SELENOO: variants seen among roughly 807,000 people sequenced by gnomAD.
SELENOO encodes the protein protein adenylyltransferase SelO, mitochondrial.
SELENOO carries 74 observed loss-of-function variants against 58.7 expected under a neutral mutation model. The ratio of observed to expected loss-of-function variants is 1.26; its 90% confidence interval spans 1.04 to 1.53. The LOEUF is 1.53. SELENOO is among the 40% of genes most tolerant of loss of function. The probability of loss-of-function intolerance (pLI) is 0.00; values close to 1 mark genes in which losing one functional copy is unlikely to be tolerated. For missense variants in SELENOO, 1,149 were observed against 970.0 expected, an observed-to-expected ratio of 1.18 and a Z score of -2.45; for synonymous variants, 543 against 453.2, an observed-to-expected ratio of 1.20 and a Z score of -2.52.
chr22:50,210,825 T>C lies in SELENOO; in HGVS notation c.1265T>C (p.Met422Thr), dbSNP rs371552012. 2.1e-5 allele frequency: 34 copies of C among 1,613,986 alleles called. No homozygotes were observed. Among genetic ancestry groups the C allele is most frequent in the Non-Finnish European group, 2.7e-5 (32 of 1,180,050 alleles). ...AEFQRHYLQK[M>T]RRKLGLVQVE... ...TTCCAAAGGCACTACCTGCAGAAGA[T>C]GCGCAGGAAGCTGGGCCTCGTGCAG... Residue 422 changes from methionine to threonine, a missense_variant, in exon 5 of 9, where the codon ATG (methionine) becomes ACG (threonine). Physicochemically the swap from Met to Thr is moderately conservative, Grantham distance 81. Coordinates refer to ENST00000380903, the MANE Select transcript of SELENOO (RefSeq NM_031454.2).
In SELENOO at chr22:50,217,593, T is replaced by G. The variant is rs770493065; in HGVS notation, c.*224T>G. 121 of 1,002,522 alleles carry G rather than the reference T, an allele frequency of 1.2e-4. No homozygotes were observed. The highest frequency in any genetic ancestry group is 1.7e-4 in the Non-Finnish European group (116 of 693,022). The allele number at this position is 1,002,522 out of a possible 1,614,324, so 62.1% of individuals were successfully genotyped here. ...TCCCTGGGGGCTGGACCCAGGCTCC[T>G]AAATAAACCAGCAACTCCCTCGAGT... On this transcript the variant is annotated 3_prime_UTR_variant, in exon 9 of 9. Coordinates refer to ENST00000380903, the MANE Select transcript of SELENOO (RefSeq NM_031454.2).
intron 4 of SELENOO, 42 bp downstream of exon 4, chr22:50,210,353 T>TG (rs1602492734): frequency 1.3e-6 from 2 of 1,597,308 alleles, no homozygotes; most frequent in African/African-American, 1.4e-5. Flanking sequence ...GCCCCAGGGC[T>TG]GGGGGGTGCG....
chr22:50,212,962 TTGAGG>T (rs1372324114), intron 5 of SELENOO, among the ~76,000 whole-genome samples: 3 of 152,208 alleles, frequency 2.0e-5, no homozygotes, highest in South Asian at 2.1e-4. Flanking sequence ...TAGGCGTGAG[TTGAGG>T]TAACTGATTG....
chr22:50,204,554 G>A (rs1394873287), intron 1 of SELENOO, among the ~76,000 whole-genome samples: 1 of 152,112 alleles, frequency 6.6e-6, no homozygotes, highest in African/African-American at 2.4e-5. Context: ...TTGAACCCAG[G>A]AGGCGGAGGT....
At chr22:50,204,550 C>T (rs1280347937) in intron 1 of SELENOO, among the ~76,000 whole-genome samples, 1 of 152,024 alleles carries the variant, frequency 6.6e-6, no homozygotes, top group Non-Finnish European at 1.5e-5. Flanking sequence ...TCACTTGAAC[C>T]CAGGAGGCGG....
intron 2 of SELENOO, chr22:50,208,313 C>A (rs1013317762): frequency 7.6e-5 from 30 of 396,398 alleles, no homozygotes; most frequent in Non-Finnish European, 1.2e-4. Flanking sequence ...GCCTGTAATC[C>A]CAGCTACTCG....
chr22:50,217,515 C>G lies in SELENOO; in HGVS notation c.*146C>G. On this transcript the variant is annotated 3_prime_UTR_variant, in exon 9 of 9. Coordinates refer to ENST00000380903, the MANE Select transcript of SELENOO (RefSeq NM_031454.2). ...GTCTTTCCATGATGGCAGAGACATC[C>G]AGTCAGGACCTGACCCGTCTCTGTC... The G allele has an allele frequency of 9.0e-7, 1 of 1,115,648 alleles. No individual in the cohort carries two copies. The highest frequency in any genetic ancestry group is 1.3e-6 in the Non-Finnish European group (1 of 786,516). 69.1% of individuals were successfully genotyped at this position (1,115,648 alleles called of 1,614,324 possible).
chr22:50,214,482 T>A (rs1361499860), intron 5 of SELENOO, among the ~76,000 whole-genome samples: 1 of 152,164 alleles, frequency 6.6e-6, no homozygotes, highest in Non-Finnish European at 1.5e-5. Flanking sequence ...TAGCCAGGCA[T>A]GGTGGTGGGT....
chr22:50,216,879 G>A lies in SELENOO; in HGVS notation c.1688+3G>A, dbSNP rs773585566. On this transcript the variant is annotated splice_donor_region_variant and intron_variant, in intron 7 of 8. Coordinates refer to ENST00000380903, the MANE Select transcript of SELENOO (RefSeq NM_031454.2). The stretch of plus-strand genomic sequence containing the variant: ...GCTGACTGGCTACAGGCGTACAGGT[G>A]AGCCCTGCGTCCATGGTCACCGGGG... 2.5e-6 allele frequency: 4 copies of A among 1,606,832 alleles called. No individual in the cohort carries two copies. In the South Asian group the frequency reaches 3.3e-5, roughly 13 times the overall value.
rs369296607 is a variant in SELENOO, at chr22:50,216,976, C to T, written c.1693C>T (p.Arg565Trp). The T allele has an allele frequency of 4.7e-5, 76 of 1,608,292 alleles. No homozygotes were observed. The highest frequency in any genetic ancestry group is 1.3e-4 in the Admixed American group (8 of 59,912). The part of the protein sequence containing the change: ...WADWLQAYRA[R>W]LDKDLEGAGD... ...AGAGCCCGGATGTCATTCCAGAGCC[C>T]GGCTGGACAAGGACCTGGAAGGCGC... Residue 565 changes from arginine to tryptophan, a missense_variant, in exon 8 of 9, where the codon CGG (arginine) becomes TGG (tryptophan). Physicochemically the swap from Arg to Trp is moderately radical, Grantham distance 101. Coordinates refer to ENST00000380903, the MANE Select transcript of SELENOO (RefSeq NM_031454.2).
intron 5 of SELENOO, among the ~76,000 whole-genome samples, chr22:50,212,280 GA>G (rs935333158): frequency 1.3e-5 from 2 of 152,066 alleles, no homozygotes; most frequent in Non-Finnish European, 1.5e-5. Context: ...TTCTTTGTTG[GA>G]AAAATTTTGA....
chr22:50,209,069 C>T (rs767053199), intron 3 of SELENOO: 18 of 205,174 alleles, frequency 8.8e-5, no homozygotes, highest in Non-Finnish European at 1.6e-4. Context: ...GGCAGCCAGC[C>T]GGGTCCTGAC....
In SELENOO at chr22:50,208,627, C is replaced by T; in HGVS notation, c.850C>T (p.Leu284Phe). Residue 284 changes from leucine (L) to phenylalanine (F), a missense_variant, in exon 3 of 9, where the codon CTC becomes TTC. Physicochemically the swap from Leu to Phe is conservative, Grantham distance 22 (BLOSUM62 0). Coordinates refer to ENST00000380903, the MANE Select transcript of SELENOO (RefSeq NM_031454.2). ...GAGGAACGACATTCGAGTGCAGCTG[C>T]TCGACTATGTCATCAGCTCCTTTTA... ...VGRNDIRVQL[L>F]DYVISSFYPE... is the part of the protein sequence containing the mutation. 2 of 1,613,906 alleles carry T rather than the reference C, an allele frequency of 1.2e-6. No homozygotes were observed. The highest frequency in any genetic ancestry group is 1.7e-6 in the Non-Finnish European group (2 of 1,179,982).
chr22:50,216,132 GT>G (rs2064408765), intron 6 of SELENOO, among the ~76,000 whole-genome samples: 1 of 152,190 alleles, frequency 6.6e-6, no homozygotes, highest in Non-Finnish European at 1.5e-5. Flanking sequence ...AAGCCTCTGG[GT>G]TTCTAGGGAG....
At chr22:50,208,202 C>T (rs1225645005) in intron 2 of SELENOO, among the ~76,000 whole-genome samples, 4 of 152,050 alleles carry the variant, frequency 2.6e-5, no homozygotes, top group Non-Finnish European at 4.4e-5. Flanking sequence ...GAGGCCGAGG[C>T]GGGTGGATCA....
At chr22:50,203,667 A>G (rs2064315629) in intron 1 of SELENOO, among the ~76,000 whole-genome samples, 1 of 152,224 alleles carries the variant, frequency 6.6e-6, no homozygotes. Flanking sequence ...TCCTCATGCA[A>G]AAGAATGAAG....
At chr22:50,211,726 G>C (rs1027356047) in intron 5 of SELENOO, among the ~76,000 whole-genome samples, 1 of 151,972 alleles carries the variant, frequency 6.6e-6, no homozygotes, top group Non-Finnish European at 1.5e-5. Flanking sequence ...TTTTTGAGAC[G>C]GAGTTTCACT....
At position 50,217,222 on chromosome 22, in the gene SELENOO, A is replaced by T. The variant is rs1338365417; in HGVS notation, c.1863A>T (p.Lys621Asn). Reference sequence around the variant, plus strand: ...TCCTCCAGGTGCGGCGGGTGCTGAAACTACTGGAGACCCCTTACCACTGCG... The same window carrying T: ...TCCTCCAGGTGCGGCGGGTGCTGAATCTACTGGAGACCCCTTACCACTGCG... ...GDFSEVRRVLKLLETPYHCEA... is the reference protein window; with the variant it reads ...GDFSEVRRVLNLLETPYHCEA... Residue 621 changes from lysine (K) to asparagine (N), a missense_variant, in exon 9 of 9, where the codon AAA (lysine) becomes AAT (asparagine). Lys to Asn is a moderately conservative substitution (Grantham distance 94). Coordinates refer to ENST00000380903, the MANE Select transcript of SELENOO (RefSeq NM_031454.2). 5 of 1,611,354 alleles carry T rather than the reference A, an allele frequency of 3.1e-6. No individual in the cohort carries two copies. The highest frequency in any genetic ancestry group is 4.2e-6 in the Non-Finnish European group (5 of 1,179,244).
intron 4 of SELENOO, 65 bp downstream of exon 4, chr22:50,210,376 CCTGCTGCCCCCAGGCACTGGCCCG>C: frequency 6.4e-7 from 1 of 1,568,572 alleles, no homozygotes. Flanking sequence ...CTGCATGAAA[CCTGCTGCCCCCAGGCACTGGCCCG>C]TGATGCTTGA....
Sources: allele counts gnomAD v4.1 joint callset (sites outside exome capture counted in the v4.1 genomes callset), GRCh38; gene constraint gnomAD v4.1.1; transcripts MANE v1.5; gene names NCBI Gene and HGNC (gene_info 2026-07-23, HGNC 2026-07-21).